Variants in POLA2 observed in about 807,000 individuals in gnomAD.
The protein encoded by POLA2 is DNA polymerase alpha 2, accessory subunit, also known as DNA polymerase alpha subunit B.
Under a neutral mutation model 82.8 loss-of-function variants are expected in POLA2, and 47 were observed. That is an observed-to-expected ratio of 0.57 (90% confidence interval 0.45 to 0.72). POLA2 has a LOEUF of 0.72. Ranked by LOEUF, POLA2 falls within the 30% of genes least tolerant of loss-of-function variation. POLA2 has a pLI of 0.00. For missense variants in POLA2, 634 were observed against 728.1 expected (o/e 0.87, Z 1.49); for synonymous variants, 287 against 286.8 (o/e 1.00, Z -0.01).
chr11:65,287,865 G>A, intron 11 of POLA2, 25 bp downstream of exon 11: 2 of 1,609,174 alleles, frequency 1.2e-6, no homozygotes, highest in Non-Finnish European at 1.7e-6. Flanking sequence ...TGGGAAAGCT[G>A]AGGAGTCAGC....
intron 5 of POLA2, 139 bp from the exon 6 acceptor site, chr11:65,278,591 C>T: frequency 1.4e-6 from 1 of 707,358 alleles, no homozygotes; most frequent in Non-Finnish European, 2.4e-6. Context: ...ATGTCCAACC[C>T]CATTAAACTG....
chr11:65,280,973 T>C lies in POLA2; in HGVS notation c.745-19T>C. 2 of 1,612,558 alleles carry C rather than the reference T, an allele frequency of 1.2e-6. No homozygotes were observed. The highest frequency in any genetic ancestry group is 1.1e-5 in the South Asian group (1 of 91,000). On this transcript the variant is annotated intron_variant, in intron 7 of 17. Coordinates refer to ENST00000265465, the MANE Select transcript of POLA2 (RefSeq NM_002689.4). The stretch of plus-strand genomic sequence containing the variant: ...GCTCCAAAGACTGTCATTCTTATGC[T>C]GTGACCTTCCTTTGGTAGGAGCCTG...
chr11:65,289,169 C>G, intron 12 of POLA2, 81 bp downstream of exon 12: 2 of 1,109,328 alleles, frequency 1.8e-6, no homozygotes, highest in South Asian at 2.7e-5. Flanking sequence ...GTGTTTATCC[C>G]ACATCTGTAA....
downstream of POLA2, among the ~76,000 whole-genome samples, chr11:65,301,550 T>C (rs1408074378): frequency 6.6e-6 from 1 of 151,246 alleles, no homozygotes; most frequent in Non-Finnish European, 1.5e-5. Context: ...GTTGGAGGGG[T>C]AGATGTGGGA....
At position 65,295,961 on chromosome 11, in the gene POLA2, A is replaced by G; in HGVS notation, c.1618A>G (p.Ile540Val). 1 of 1,614,190 alleles carries G rather than the reference A, an allele frequency of 6.2e-7. No individual in the cohort carries two copies. The highest frequency in any genetic ancestry group is 8.5e-7 in the Non-Finnish European group (1 of 1,180,002). The change falls in exon 17 of 18, where the codon ATC becomes GTC. Residue 540 changes from isoleucine (I) to valine (V), a missense_variant. Physicochemically the swap from Ile to Val is conservative, Grantham distance 29 (BLOSUM62 3). Transcript: ENST00000265465. ...GCCTGTCACCCCAGATGTCCTCATC[A>G]TCCCGTCAGAGCTGAGGTACTTCGT... ...QLPVTPDVLI[I>V]PSELRYFVKD...
downstream of POLA2, among the ~76,000 whole-genome samples, chr11:65,299,391 C>T (rs1949845528): frequency 6.6e-6 from 1 of 152,240 alleles, no homozygotes. Flanking sequence ...TCGTGGCTTC[C>T]CTTTAGGGTT....
rs545779073 is a variant in POLA2, at chr11:65,270,912, C to A, written c.354+2183C>A. On this transcript the variant is annotated intron_variant, in intron 4 of 17. Transcript: ENST00000265465. ...TCCTCCTGATATGCAAAGTTTGAACCAGCATATGTGAAGTTCTGTAGGAGC... is the reference window on the plus strand; with the variant it reads ...TCCTCCTGATATGCAAAGTTTGAACAAGCATATGTGAAGTTCTGTAGGAGC... Among the ~76,000 whole-genome samples the A allele has an allele frequency of 1.6e-4, 25 of 152,256 alleles. No individual in the cohort carries two copies. The South Asian group carries it at 5.0e-3, about 30-fold the overall frequency.
In POLA2 at chr11:65,294,202, G is replaced by A. The variant is rs764133988; in HGVS notation, c.1294G>A (p.Glu432Lys). 5 of 1,613,988 alleles carry A rather than the reference G, an allele frequency of 3.1e-6. No homozygotes were observed. The highest frequency in any genetic ancestry group is 1.3e-5 in the African/African-American group (1 of 74,884). Residue 432 changes from glutamate (E) to lysine (K), a missense_variant, in exon 14 of 18, where the codon GAG becomes AAG. Physicochemically the swap from Glu to Lys is moderately conservative, Grantham distance 56 (BLOSUM62 1). Coordinates refer to ENST00000265465, the MANE Select transcript of POLA2 (RefSeq NM_002689.4). ...FVPSLRDVHH[E>K]PVYPQPPFSY... ...CCCGTCATTGAGAGATGTGCACCAT[G>A]AGCCTGTGTACCCCCAGCCGCCTTT...
At chr11:65,287,613 C>G (rs1020086708) in intron 10 of POLA2, 103 bp from the exon 11 acceptor site, 3 of 1,063,752 alleles carry the variant, frequency 2.8e-6, no homozygotes, top group Admixed American at 4.1e-5. Context: ...ACATAAAGGA[C>G]TCAATGAGTT....
rs554803299 is a variant in POLA2, at chr11:65,286,643, G to A, written c.1007-1073G>A. 2.6e-5 allele frequency among the ~76,000 whole-genome samples: 4 copies of A among 152,244 alleles called. No homozygotes were observed. The South Asian group carries it at 8.3e-4, about 32-fold the overall frequency. ...GAGCTCAAGGGATCCTCCCGCCTTA[G>A]CCTCTCAAAGTGCTGGAATTACAGG... On this transcript the variant is annotated intron_variant, in intron 10 of 17. Transcript: ENST00000265465.
intron 7 of POLA2, chr11:65,280,733 A>G (rs749673198): frequency 8.7e-6 from 4 of 460,962 alleles, no homozygotes; most frequent in South Asian, 4.9e-5. Context: ...AAGTTCCCCT[A>G]CACTAGAGAT....
Position 65,268,707 on chromosome 11 carries a change from ACT to A in POLA2, c.335_336del (p.Ser112LeufsTer29). 6.3e-7 allele frequency: 1 copy of A among 1,595,506 alleles called. No individual in the cohort carries two copies. The highest frequency in any genetic ancestry group is 8.5e-7 in the Non-Finnish European group (1 of 1,171,946). The stretch of plus-strand genomic sequence containing the variant: ...GAAGAAGAAGAGGAAATCCTCTTGA[ACT>A]CTTACACCACACCTTCAAAGGTAAG... On this transcript the variant is annotated frameshift_variant, in exon 4 of 18. Transcript: ENST00000265465. LOFTEE classifies it high-confidence loss of function.
intron 10 of POLA2, chr11:65,287,504 G>T: frequency 2.6e-6 from 1 of 388,458 alleles, no homozygotes; most frequent in South Asian, 6.2e-5. Context: ...CATGTTCTAG[G>T]TATTCGTGTA....
intron 11 of POLA2, among the ~76,000 whole-genome samples, chr11:65,288,534 CAG>C (rs1949722091): frequency 9.6e-6 from 1 of 104,630 alleles, no homozygotes; most frequent in African/African-American, 3.3e-5. Flanking sequence ...TTTTTTGGGA[CAG>C]AGTTTCACTC....
chr11:65,283,354 T>C (rs1949661192), intron 10 of POLA2, among the ~76,000 whole-genome samples: 1 of 152,214 alleles, frequency 6.6e-6, no homozygotes, highest in Non-Finnish European at 1.5e-5. Context: ...CAAATGTTCA[T>C]GGTTACCTAA....
chr11:65,267,393 C>T, intron 2 of POLA2, 84 bp from the exon 3 acceptor site: 1 of 733,424 alleles, frequency 1.4e-6, no homozygotes. Flanking sequence ...ATTTTGAATA[C>T]CTTTTATTAT....
intron 1 of POLA2, 179 bp from the exon 2 acceptor site, chr11:65,266,403 T>G: frequency 1.7e-6 from 1 of 604,518 alleles, no homozygotes; most frequent in East Asian, 2.9e-5. Context: ...TTGTCTCCCC[T>G]CAGTGGTGAG....
At chr11:65,289,167 C>T in intron 12 of POLA2, 79 bp downstream of exon 12, 1 of 1,128,824 alleles carries the variant, frequency 8.9e-7, no homozygotes, top group Non-Finnish European at 1.3e-6. Context: ...TAGTGTTTAT[C>T]CCACATCTGT....
At chr11:65,305,767 C>T (rs563222350), downstream of POLA2, among the ~76,000 whole-genome samples, 7 of 152,176 alleles carry the variant, frequency 4.6e-5, no homozygotes, top group Non-Finnish European at 1.0e-4. Flanking sequence ...TCCGCAGCAG[C>T]GCTCGTGCAT....
Sources: allele counts gnomAD v4.1 joint callset (sites outside exome capture counted in the v4.1 genomes callset), GRCh38; gene constraint gnomAD v4.1.1; transcripts MANE v1.5; gene names NCBI Gene and HGNC (gene_info 2026-07-23, HGNC 2026-07-21).